PLEKHD1: variants seen among roughly 807,000 people sequenced by gnomAD.
The protein encoded by PLEKHD1 is pleckstrin homology domain-containing family D member 1.
Under a neutral mutation model 69.2 loss-of-function variants are expected in PLEKHD1, and 51 were observed. The ratio of observed to expected loss-of-function variants is 0.74; its 90% CI spans 0.59 to 0.93. The LOEUF (loss-of-function observed/expected upper bound fraction) is 0.93. Among genes scored for constraint, PLEKHD1 ranks in the 40% least tolerant of loss-of-function variants. The pLI is 0.00. For missense variants in PLEKHD1, 584 were observed against 641.0 expected (o/e 0.91, Z 0.96); for synonymous variants, 236 against 244.7 (o/e 0.96, Z 0.33).
intron 6 of PLEKHD1, among the ~76,000 whole-genome samples, chr14:69,516,235 C>T (rs1173263843): frequency 2.0e-5 from 3 of 152,182 alleles, no homozygotes; most frequent in African/African-American, 7.2e-5. Flanking sequence ...TAATATGTAA[C>T]TTTTCCCCTA....
intron 6 of PLEKHD1, among the ~76,000 whole-genome samples, chr14:69,513,680 C>T (rs1367520730): frequency 2.6e-5 from 4 of 152,226 alleles, no homozygotes; most frequent in Admixed American, 1.3e-4. Context: ...CACTTATTCA[C>T]TCTCCAATGC....
At chr14:69,527,480 C>G in intron 11 of PLEKHD1, 148 bp downstream of exon 11, 1 of 1,206,126 alleles carries the variant, frequency 8.3e-7, no homozygotes, top group Non-Finnish European at 1.2e-6. Flanking sequence ...CAGTTACCTG[C>G]CTGCAGGCAT....
intron 6 of PLEKHD1, among the ~76,000 whole-genome samples, chr14:69,506,099 A>T (rs1883146527): frequency 6.6e-6 from 1 of 152,214 alleles, no homozygotes; most frequent in South Asian, 2.1e-4. Flanking sequence ...ATGTGCCACT[A>T]CAACTGAAGC....
At chr14:69,473,921 T>G in the PLEKHD1 span, among the ~76,000 whole-genome samples, 3 of 152,152 alleles carry the variant, frequency 2.0e-5, no homozygotes, top group Admixed American at 2.0e-4. Context: ...CTTCCAGCCC[T>G]CCAGCCCCCA....
At chr14:69,484,705 C>G (rs556053384), upstream of PLEKHD1, 6 of 403,810 alleles carry the variant, frequency 1.5e-5, no homozygotes, top group South Asian at 9.7e-5. Flanking sequence ...GCTGCCGGCC[C>G]GAGGCTGAGC....
At chr14:69,485,573 TA>T (rs10709324) in intron 1 of PLEKHD1, among the ~76,000 whole-genome samples, 62,706 of 151,928 alleles carry the variant, frequency 0.41, 13,118 homozygotes, top group Middle Eastern at 0.54. Context: ...CACCCACCCT[TA>T]AGACGGAGAG....
chr14:69,498,806 C>T (rs1251586170), intron 1 of PLEKHD1, among the ~76,000 whole-genome samples: 1 of 152,048 alleles, frequency 6.6e-6, no homozygotes, highest in African/African-American at 2.4e-5. Context: ...CGCCACCACA[C>T]CCAGCTAATT....
chr14:69,469,198 G>A, the PLEKHD1 span, among the ~76,000 whole-genome samples: 1 of 151,904 alleles, frequency 6.6e-6, no homozygotes, highest in African/African-American at 2.4e-5. Context: ...AGAGAGAGAG[G>A]AGGATGTTAG....
At chr14:69,509,144 T>C (rs1883216384) in intron 6 of PLEKHD1, among the ~76,000 whole-genome samples, 1 of 152,216 alleles carries the variant, frequency 6.6e-6, no homozygotes, top group African/African-American at 2.4e-5. Context: ...GGATTACAGA[T>C]GTGAGCCACT....
intron 3 of PLEKHD1, 77 bp from the exon 4 acceptor site, chr14:69,500,794 G>T (rs1291050212): frequency 2.0e-6 from 3 of 1,534,484 alleles, no homozygotes; most frequent in African/African-American, 1.4e-5. Flanking sequence ...TGGGGTGGGT[G>T]ACAGGGCAGA....
intron 1 of PLEKHD1, among the ~76,000 whole-genome samples, chr14:69,499,365 T>C (rs1882971211): frequency 6.6e-6 from 1 of 152,222 alleles, no homozygotes; most frequent in Non-Finnish European, 1.5e-5. Context: ...CCAGCCACTC[T>C]GGGTGTCCCT....
At chr14:69,473,431 C>G in the PLEKHD1 span, among the ~76,000 whole-genome samples, 2 of 151,998 alleles carry the variant, frequency 1.3e-5, no homozygotes, top group African/African-American at 4.8e-5. Flanking sequence ...CCACCTCTGC[C>G]TCACTTGGTG....
At chr14:69,496,047 A>G (rs1882881687) in intron 1 of PLEKHD1, among the ~76,000 whole-genome samples, 1 of 152,216 alleles carries the variant, frequency 6.6e-6, no homozygotes, top group Non-Finnish European at 1.5e-5. Flanking sequence ...TGCTGAATCA[A>G]TGGAGGAATC....
At chr14:69,482,957 G>C (rs1882572669), upstream of PLEKHD1, among the ~76,000 whole-genome samples, 1 of 151,978 alleles carries the variant, frequency 6.6e-6, no homozygotes, top group Admixed American at 6.6e-5. Flanking sequence ...GAAAAGCAGG[G>C]CTCCTAAAGT....
intron 1 of PLEKHD1, among the ~76,000 whole-genome samples, chr14:69,486,348 T>C (rs1229415140): frequency 1.3e-5 from 2 of 152,210 alleles, no homozygotes; most frequent in African/African-American, 4.8e-5. Context: ...TGGTTTCATG[T>C]TGTTTTGTTG....
intron 12 of PLEKHD1, 135 bp from the exon 13 acceptor site, chr14:69,528,115 C>T: frequency 7.1e-7 from 1 of 1,404,532 alleles, no homozygotes; most frequent in East Asian, 2.5e-5. Context: ...ATATGGAAGC[C>T]CGTGTGTGTG....
At chr14:69,473,765 G>A in the PLEKHD1 span, among the ~76,000 whole-genome samples, 1 of 152,210 alleles carries the variant, frequency 6.6e-6, no homozygotes, top group African/African-American at 2.4e-5. Flanking sequence ...AGGGGATCGA[G>A]GGGGAGATTG....
chr14:69,474,053 G>A, the PLEKHD1 span, among the ~76,000 whole-genome samples: 3 of 151,600 alleles, frequency 2.0e-5, no homozygotes, highest in Non-Finnish European at 4.4e-5. Flanking sequence ...GAGGAGCGGG[G>A]ACTCCTCTTA....
At chr14:69,476,075 T>C in the PLEKHD1 span, among the ~76,000 whole-genome samples, 1 of 151,970 alleles carries the variant, frequency 6.6e-6, no homozygotes, top group African/African-American at 2.4e-5. Context: ...CTGGCCAACA[T>C]GGCAAAATCC....
Sources: gnomAD v4.1 joint callset for allele counts (sites outside exome capture counted in the v4.1 genomes callset) on GRCh38, gnomAD v4.1.1 for gene constraint, MANE v1.5 for transcripts, NCBI Gene and HGNC (gene_info 2026-07-23, HGNC 2026-07-21) for gene names.